The following ICA1L variants were observed in gnomAD, a reference collection of about 807,000 sequenced individuals.
The protein encoded by ICA1L is islet cell autoantigen 1-like protein.
ICA1L carries 50 observed loss-of-function variants against 61.3 expected under a neutral mutation model. The ratio of observed to expected loss-of-function variants is 0.82; its 90% CI spans 0.65 to 1.03. The LOEUF (loss-of-function observed/expected upper bound fraction) is 1.03, where lower values mean the gene tolerates loss of function less well. Ranked by LOEUF, ICA1L falls within the 50% of genes least tolerant of loss-of-function variation. ICA1L has a pLI of 0.00. For synonymous variants in ICA1L, 161 were observed against 191.3 expected (o/e 0.84, Z 1.31); for missense variants, 508 against 556.7 (o/e 0.91, Z 0.88).
chr2:202,857,011 G>A (rs1326797183), intron 1 of ICA1L, among the ~76,000 whole-genome samples: 2 of 152,174 alleles, frequency 1.3e-5, no homozygotes, highest in Non-Finnish European at 2.9e-5. Context: ...GACATTCCAA[G>A]CTCATGGATA....
At chr2:202,797,878 A>G (rs865877692) in intron 9 of ICA1L, among the ~76,000 whole-genome samples, 12 of 152,250 alleles carry the variant, frequency 7.9e-5, no homozygotes, top group Middle Eastern at 3.4e-3. Context: ...ACGTTTTACA[A>G]TAGATCTTTT....
chr2:202,799,734 T>C (rs1693038105), intron 9 of ICA1L, among the ~76,000 whole-genome samples: 1 of 152,208 alleles, frequency 6.6e-6, no homozygotes, highest in Non-Finnish European at 1.5e-5. Flanking sequence ...TCCCTCATAT[T>C]TTAATAGCTT....
At chr2:202,866,139 C>A (rs1343227318) in intron 1 of ICA1L, among the ~76,000 whole-genome samples, 2 of 152,112 alleles carry the variant, frequency 1.3e-5, no homozygotes, top group Non-Finnish European at 2.9e-5. Flanking sequence ...ATGTTTGTCC[C>A]CTCCAAATTT....
At position 202,779,814 on chromosome 2, in the gene ICA1L, T is replaced by C. The variant is rs56193304; in HGVS notation, c.1334-166A>G. On this transcript the variant is annotated intron_variant, in intron 12 of 12. Transcript: ENST00000358299. ...TCCCTTTAAGATTTTTTTTTTTTTT[T>C]TTTGTTTTCGGTAGAGACTGGGGTT... Among the ~76,000 whole-genome samples the C allele has an allele frequency of 3.9e-4, 59 of 151,498 alleles. No homozygotes were observed. The Middle Eastern group carries it at 0.014, about 35-fold the overall frequency.
intron 11 of ICA1L, chr2:202,786,782 TAATG>T (rs1692600536): frequency 2.2e-6 from 1 of 448,872 alleles, no homozygotes; most frequent in Non-Finnish European, 4.5e-6. Context: ...TTATCTGTAA[TAATG>T]AACAAGTAGA....
chr2:202,859,145 G>A (rs1373843544), intron 1 of ICA1L, among the ~76,000 whole-genome samples: 2 of 152,118 alleles, frequency 1.3e-5, no homozygotes. Flanking sequence ...ATTATTAAGG[G>A]TAACTGATAT....
Position 202,814,811 on chromosome 2 carries a change from T to C in ICA1L, c.784-27A>G, listed in dbSNP as rs757491966. 7.8e-6 allele frequency: 11 copies of C among 1,416,896 alleles called. No individual in the cohort carries two copies. The Admixed American group carries it at 1.6e-4, about 20-fold the overall frequency. The allele number at this position is 1,416,896 out of a possible 1,614,324, so 87.8% of individuals were successfully genotyped here. On this transcript the variant is annotated intron_variant, in intron 7 of 12. Coordinates refer to ENST00000358299, the MANE Select transcript of ICA1L (RefSeq NM_001288622.3). ...TAAAGATAAGAAAGTCAATGTTAAG[T>C]ATATAGAATGAATCTGTTTCTTCTT...
At chr2:202,820,738 C>A in intron 4 of ICA1L, among the ~76,000 whole-genome samples, 1 of 152,174 alleles carries the variant, frequency 6.6e-6, no homozygotes, top group Admixed American at 6.5e-5. Context: ...CTCCACGTCA[C>A]TTCCTTCAAG....
At chr2:202,794,075 A>C (rs145459360) in intron 10 of ICA1L, among the ~76,000 whole-genome samples, 126 of 152,260 alleles carry the variant, frequency 8.3e-4, no homozygotes, top group African/African-American at 3.0e-3. Flanking sequence ...ACTGGAATGC[A>C]AACATGATAT....
chr2:202,811,471 A>G (rs1009211656), intron 9 of ICA1L, among the ~76,000 whole-genome samples: 1 of 152,036 alleles, frequency 6.6e-6, no homozygotes, highest in Non-Finnish European at 1.5e-5. Context: ...CATCCTGGCT[A>G]CTACAGTGAA....
chr2:202,804,849 A>G (rs1229853475), intron 9 of ICA1L, among the ~76,000 whole-genome samples: 11 of 152,238 alleles, frequency 7.2e-5, no homozygotes, highest in African/African-American at 2.7e-4. Context: ...GTTAAAATCA[A>G]TAACAAAAAG....
chr2:202,800,454 A>C (rs1198458130), intron 9 of ICA1L, among the ~76,000 whole-genome samples: 1 of 152,228 alleles, frequency 6.6e-6, no homozygotes, highest in Non-Finnish European at 1.5e-5. Context: ...ATATCAAGAC[A>C]AAAATAATTG....
At chr2:202,819,967 C>A in intron 4 of ICA1L, 68 bp from the exon 5 acceptor site, 1 of 1,185,428 alleles carries the variant, frequency 8.4e-7, no homozygotes. Flanking sequence ...AAGGTTTAAA[C>A]CAATGAAAAA....
At chr2:202,786,910 A>G in intron 11 of ICA1L, 1 of 342,774 alleles carries the variant, frequency 2.9e-6, no homozygotes, top group South Asian at 2.4e-5. Context: ...CTACAACATG[A>G]AAAACCATTT....
intron 3 of ICA1L, among the ~76,000 whole-genome samples, chr2:202,823,854 T>G (rs955666292): frequency 1.3e-5 from 2 of 152,218 alleles, no homozygotes; most frequent in Non-Finnish European, 2.9e-5. Flanking sequence ...TCTCTTTTTG[T>G]GCAAAAAGTT....
rs755042465 is a variant in ICA1L at position 202,817,429 on chromosome 2, T to C, written c.673A>G (p.Thr225Ala). The change falls in exon 6 of 13, where the codon ACT (threonine) becomes GCT (alanine). Residue 225 changes from threonine (T) to alanine (A), a missense_variant. Transcript: ENST00000358299. ...ATGGAGGTGGGTACCTGGTAGGTAG[T>C]GAGCGAATGAGATAGCATATTGCAG... ...SRCNMLSHSL[T>A]TYQRTLLGFW... 29 of 1,590,090 alleles carry C rather than the reference T, an allele frequency of 1.8e-5. No individual in the cohort carries two copies. Among genetic ancestry groups the C allele is most frequent in the Admixed American group, 1.0e-4 (6 of 58,076 alleles).
intron 1 of ICA1L, among the ~76,000 whole-genome samples, chr2:202,870,351 A>C (rs982507509): frequency 6.6e-6 from 1 of 152,188 alleles, no homozygotes; most frequent in Non-Finnish European, 1.5e-5. Context: ...GCACCCTTCT[A>C]ACTCTAAAAT....
Position 202,775,683 on chromosome 2 carries a change from T to A in ICA1L, c.*3850A>T, listed in dbSNP as rs1208158233. 1 of 152,204 alleles carries A rather than the reference T, an allele frequency of 6.6e-6. No homozygotes were observed. Among genetic ancestry groups the A allele is most frequent in the African/African-American group, 2.4e-5 (1 of 41,438 alleles). 9.4% of individuals were successfully genotyped at this position (152,204 alleles called of 1,614,324 possible). A position where few individuals can be genotyped will look rare whatever the true frequency, so the allele number is the denominator to read the frequency against. ...ACAGGCATCTGCCACCATGCCCAGC[T>A]AATTTTTATATTTTTCATAGAGATG... On this transcript the variant is annotated 3_prime_UTR_variant, in exon 13 of 13. Coordinates refer to ENST00000358299, the MANE Select transcript of ICA1L (RefSeq NM_001288622.3).
intron 9 of ICA1L, 123 bp downstream of exon 9, chr2:202,811,623 C>T: frequency 1.5e-6 from 1 of 651,598 alleles, no homozygotes; most frequent in Non-Finnish European, 2.6e-6. Flanking sequence ...GATCACGCAA[C>T]TGCACTCCAG....
Sources: gnomAD v4.1 joint callset for allele counts (sites outside exome capture counted in the v4.1 genomes callset) on GRCh38, gnomAD v4.1.1 for gene constraint, MANE v1.5 for transcripts, NCBI Gene and HGNC (gene_info 2026-07-23, HGNC 2026-07-21) for gene names.